Variants in CTIF observed in about 807,000 individuals in gnomAD.
The protein encoded by CTIF is CBP80/20-dependent translation initiation factor.
In CTIF, 21 loss-of-function variants were observed where a neutral mutation model predicts 66.0. The ratio of observed to expected loss-of-function variants is 0.32; its 90% CI spans 0.23 to 0.46. The LOEUF is 0.46. CTIF is among the 20% of genes least tolerant of loss of function. The pLI, the probability that CTIF is intolerant of heterozygous loss-of-function variation, is 1.00. For missense variants in CTIF, 739 were observed against 812.7 expected (o/e 0.91, Z 1.10); for synonymous variants, 345 against 326.4 (o/e 1.06, Z -0.62).
intron 9 of CTIF, among the ~76,000 whole-genome samples, chr18:48,786,609 C>G (rs1415897569): frequency 6.6e-6 from 1 of 152,196 alleles, no homozygotes; most frequent in African/African-American, 2.4e-5. Flanking sequence ...CGACTGTGAA[C>G]GTGCAGTTCA....
At chr18:48,830,142 G>A (rs1306735659) in intron 10 of CTIF, among the ~76,000 whole-genome samples, 1 of 152,164 alleles carries the variant, frequency 6.6e-6, no homozygotes, top group Non-Finnish European at 1.5e-5. Context: ...CTGGCCCTTG[G>A]GTAGATGTGT....
intron 7 of CTIF, among the ~76,000 whole-genome samples, chr18:48,725,793 T>C (rs1568167414): frequency 1.3e-5 from 2 of 152,070 alleles, no homozygotes; most frequent in East Asian, 1.9e-4. Flanking sequence ...TGGGTATATG[T>C]CATGTTATTT....
At chr18:48,571,125 C>A (rs1355559082) in intron 1 of CTIF, among the ~76,000 whole-genome samples, 1 of 152,148 alleles carries the variant, frequency 6.6e-6, no homozygotes, top group Non-Finnish European at 1.5e-5. Flanking sequence ...TACCCCCTTC[C>A]GTCTTGCCTT....
At chr18:48,670,445 C>G (rs1405951315) in intron 5 of CTIF, among the ~76,000 whole-genome samples, 1 of 150,774 alleles carries the variant, frequency 6.6e-6, no homozygotes, top group East Asian at 2.0e-4. Context: ...TCTGGTTCCT[C>G]TCCCACCTCC....
intron 7 of CTIF, among the ~76,000 whole-genome samples, chr18:48,748,063 G>A (rs1011615256): frequency 2.6e-5 from 4 of 152,044 alleles, no homozygotes; most frequent in Middle Eastern, 3.2e-3. Flanking sequence ...GGACTTTGAC[G>A]AATTAAAATG....
At chr18:48,724,800 G>A (rs2092372035) in intron 7 of CTIF, among the ~76,000 whole-genome samples, 1 of 152,234 alleles carries the variant, frequency 6.6e-6, no homozygotes, top group African/African-American at 2.4e-5. Flanking sequence ...CCGGGATCCT[G>A]AGTCACCTCA....
chr18:48,669,794 T>C (rs1201414718), intron 5 of CTIF, among the ~76,000 whole-genome samples: 1 of 18,878 alleles, frequency 5.3e-5, no homozygotes, highest in Non-Finnish European at 9.8e-5. Flanking sequence ...GCTAAACATT[T>C]ATATATATAT....
intron 7 of CTIF, among the ~76,000 whole-genome samples, chr18:48,745,671 C>T (rs1240586735): frequency 6.6e-6 from 1 of 152,216 alleles, no homozygotes; most frequent in East Asian, 1.9e-4. Flanking sequence ...AGGTCCTTGT[C>T]CCAGAATACA....
At chr18:48,829,497 C>T (rs546355508) in intron 10 of CTIF, among the ~76,000 whole-genome samples, 50 of 152,240 alleles carry the variant, frequency 3.3e-4, no homozygotes, top group African/African-American at 1.2e-3. Context: ...GCCTGTTTCC[C>T]ACCTTAAGGG....
intron 7 of CTIF, among the ~76,000 whole-genome samples, chr18:48,735,604 G>A (rs2092494126): frequency 6.6e-6 from 1 of 152,154 alleles, no homozygotes; most frequent in African/African-American, 2.4e-5. Flanking sequence ...GGTGAGGACA[G>A]GGTGTTTGAA....
intron 9 of CTIF, among the ~76,000 whole-genome samples, chr18:48,789,947 C>G (rs1198890073): frequency 6.6e-6 from 1 of 152,214 alleles, no homozygotes; most frequent in Non-Finnish European, 1.5e-5. Context: ...CCTGCTACCT[C>G]ATGACCTTGG....
chr18:48,637,919 C>A (rs77854041), intron 3 of CTIF, among the ~76,000 whole-genome samples: 1 of 152,094 alleles, frequency 6.6e-6, no homozygotes, highest in Non-Finnish European at 1.5e-5. Flanking sequence ...GGAGCCTCGA[C>A]GGCCTCTGAG....
intron 9 of CTIF, 22 bp from the exon 10 acceptor site, chr18:48,817,199 G>A (rs199600310): frequency 2.5e-5 from 40 of 1,608,712 alleles, no homozygotes; most frequent in Admixed American, 5.0e-5. Context: ...GGAGGCTGAC[G>A]CGGTCTCTCA....
intron 3 of CTIF, among the ~76,000 whole-genome samples, chr18:48,648,023 T>G (rs2091081794): frequency 6.6e-6 from 1 of 152,138 alleles, no homozygotes; most frequent in Non-Finnish European, 1.5e-5. Context: ...CTGGGGACAG[T>G]TGAGGAGGAT....
chr18:48,685,956 C>G (rs570840570), intron 6 of CTIF, among the ~76,000 whole-genome samples: 1 of 152,186 alleles, frequency 6.6e-6, no homozygotes, highest in Non-Finnish European at 1.5e-5. Context: ...GAATTACAGG[C>G]ATGAGCCACT....
At chr18:48,656,008 A>G (rs979410572) in intron 3 of CTIF, among the ~76,000 whole-genome samples, 7 of 152,240 alleles carry the variant, frequency 4.6e-5, no homozygotes, top group Admixed American at 4.6e-4. Context: ...TTTCTATCAT[A>G]CAGCAACTCA....
intron 7 of CTIF, among the ~76,000 whole-genome samples, chr18:48,731,463 A>G (rs943260310): frequency 1.3e-5 from 2 of 152,154 alleles, no homozygotes; most frequent in African/African-American, 2.4e-5. Flanking sequence ...CCCACCCTCT[A>G]TGCCTGAGTG....
At chr18:48,547,590 A>T (rs1329855222) in intron 1 of CTIF, among the ~76,000 whole-genome samples, 1 of 152,228 alleles carries the variant, frequency 6.6e-6, no homozygotes, top group Non-Finnish European at 1.5e-5. Context: ...ATAGCTGGAA[A>T]GGCCTTGTAC....
chr18:48,606,795 A>G (rs188944879), intron 1 of CTIF, among the ~76,000 whole-genome samples: 8 of 152,280 alleles, frequency 5.3e-5, no homozygotes, highest in Admixed American at 5.2e-4. Flanking sequence ...GCCTCTTCCT[A>G]GCCAGGTGAC....
Sources: allele counts gnomAD v4.1 joint callset (sites outside exome capture counted in the v4.1 genomes callset), GRCh38; gene constraint gnomAD v4.1.1; transcripts MANE v1.5; gene names NCBI Gene and HGNC (gene_info 2026-07-23, HGNC 2026-07-21).